Variants in SIK2 observed in about 807,000 individuals in gnomAD.
SIK2 encodes the protein serine/threonine-protein kinase SIK2.
A neutral mutation model predicts 103.2 loss-of-function variants in SIK2; 29 were observed. That is an observed-to-expected ratio of 0.28 (90% confidence interval 0.21 to 0.38). The LOEUF (loss-of-function observed/expected upper bound fraction) is 0.38, where lower values mean the gene tolerates loss of function less well. Among genes scored for constraint, SIK2 ranks in the 10% least tolerant of loss-of-function variants. The probability of loss-of-function intolerance (pLI) is 1.00; values close to 1 mark genes in which losing one functional copy is unlikely to be tolerated. For missense variants in SIK2, 879 were observed against 1,171.0 expected, an observed-to-expected ratio of 0.75 and a Z score of 3.64; for synonymous variants, 412 against 446.1, an observed-to-expected ratio of 0.92 and a Z score of 0.96.
At chr11:111,605,453 C>T (rs981109158) in intron 1 of SIK2, among the ~76,000 whole-genome samples, 7 of 152,094 alleles carry the variant, frequency 4.6e-5, no homozygotes, top group Non-Finnish European at 1.0e-4. Context: ...CATGGCAGAA[C>T]ATACTACAGT....
chr11:111,701,328 A>G lies in SIK2; in HGVS notation c.604-124A>G. On this transcript the variant is annotated intron_variant, in intron 5 of 14. Transcript: ENST00000304987. The surrounding 1 kb of genome is among the most constrained non-coding windows in gnomAD (Gnocchi z 4.2). Reference sequence around the variant, plus strand: ...TTTGGATTTTTTTCAAATTCTGAGAAAATAATAAATCCAGACAGGAATTTT... The same window carrying G: ...TTTGGATTTTTTTCAAATTCTGAGAGAATAATAAATCCAGACAGGAATTTT... 1 of 1,311,862 alleles carries G rather than the reference A, an allele frequency of 7.6e-7. No homozygotes were observed. The highest frequency in any genetic ancestry group is 1.0e-6 in the Non-Finnish European group (1 of 975,196). 81.3% of individuals were successfully genotyped at this position (1,311,862 alleles called of 1,614,324 possible).
chr11:111,619,787 C>A (rs986778169), intron 2 of SIK2, among the ~76,000 whole-genome samples: 3 of 152,162 alleles, frequency 2.0e-5, no homozygotes, highest in African/African-American at 4.8e-5. Context: ...AACTTTTAAA[C>A]AATTAGAGTA....
rs186785353 is a variant in SIK2, at chr11:111,658,465, G to A, written c.317-29536G>A. Among the ~76,000 whole-genome samples, 55 of 152,174 alleles carry A rather than the reference G, an allele frequency of 3.6e-4. 1 individual carries two copies. The highest frequency in any genetic ancestry group is 9.9e-4 in the African/African-American group (41 of 41,524). ...TGTATTAGAATCGAGAGATACGGCC[G>A]AGTGCAGTGGTTCACACCTATAATC... On this transcript the variant is annotated intron_variant, in intron 3 of 14. Transcript: ENST00000304987.
chr11:111,680,924 C>T (rs757306061), intron 3 of SIK2, among the ~76,000 whole-genome samples: 4 of 152,152 alleles, frequency 2.6e-5, no homozygotes, highest in Non-Finnish European at 4.4e-5. Context: ...GTTGGGGCAT[C>T]AGCCTTCAGG....
intron 3 of SIK2, among the ~76,000 whole-genome samples, chr11:111,667,488 C>CTTTTT (rs565449284): frequency 9.5e-6 from 1 of 105,366 alleles, no homozygotes; most frequent in African/African-American, 3.2e-5. Flanking sequence ...TGTTGGTTAT[C>CTTTTT]TTTTTTTTTT....
Position 111,729,093 on chromosome 11 carries a change from G to C in SIK2, c.*4964G>C, listed in dbSNP as rs1026432162. ...GGCCCTTGGTGGCAGGTGAACGAAA[G>C]CAGTGGAGCCTCTCACCTTCCAGTA... On this transcript the variant is annotated 3_prime_UTR_variant, in exon 15 of 15. Coordinates refer to ENST00000304987, the MANE Select transcript of SIK2 (RefSeq NM_015191.3). The C allele has an allele frequency of 1.3e-5, 2 of 152,240 alleles. No individual in the cohort carries two copies. Among genetic ancestry groups the C allele is most frequent in the African/African-American group, 4.8e-5 (2 of 41,452 alleles). The allele number at this position is 152,240 out of a possible 1,614,324, so 9.4% of individuals were successfully genotyped here. A position where few individuals can be genotyped will look rare whatever the true frequency, so the allele number is the denominator to read the frequency against.
intron 8 of SIK2, among the ~76,000 whole-genome samples, chr11:111,710,775 A>C (rs1389290307): frequency 6.6e-6 from 1 of 152,240 alleles, no homozygotes; most frequent in Non-Finnish European, 1.5e-5. Flanking sequence ...GATTAAGGTC[A>C]CACAATTTGT....
chr11:111,653,048 C>T (rs905882517), intron 3 of SIK2, among the ~76,000 whole-genome samples: 4 of 152,236 alleles, frequency 2.6e-5, no homozygotes, highest in Admixed American at 2.6e-4. Context: ...GGATCCAGGG[C>T]TCTGAATTTT....
In SIK2 at chr11:111,720,526, C is replaced by CTT; in HGVS notation, c.1545_1546insTT (p.Glu516LeufsTer12). 2 of 1,613,394 alleles carry CTT rather than the reference C, an allele frequency of 1.2e-6. No individual in the cohort carries two copies. Among genetic ancestry groups the CTT allele is most frequent in the Non-Finnish European group, 1.7e-6 (2 of 1,179,796 alleles). On this transcript the variant is annotated frameshift_variant, in exon 11 of 15. Transcript: ENST00000304987. LOFTEE classifies it high-confidence loss of function. ...AGCCCCTCCCTTGACAGTGTGGACT[C>CTT]TGAGTATGATATGGGGTCTGTTCAG...
chr11:111,726,979 G>C lies in SIK2; in HGVS notation c.*2850G>C, dbSNP rs776839091. The C allele has an allele frequency of 6.2e-7, 1 of 1,613,742 alleles. No homozygotes were observed. The highest frequency in any genetic ancestry group is 8.5e-7 in the Non-Finnish European group (1 of 1,179,648). ...AATCTGGGGTATTAGTCTGTGCTTT[G>C]GGAGAAATGCACTAGCTCTGCAATT... On this transcript the variant is annotated 3_prime_UTR_variant, in exon 15 of 15. Coordinates refer to ENST00000304987, the MANE Select transcript of SIK2 (RefSeq NM_015191.3).
chr11:111,625,829 G>A (rs890217376), intron 3 of SIK2, among the ~76,000 whole-genome samples: 6 of 152,194 alleles, frequency 3.9e-5, no homozygotes, highest in African/African-American at 1.2e-4. Flanking sequence ...AGTAGGTAGA[G>A]GCAATGAGTC....
chr11:111,646,144 CTA>C lies in SIK2; in HGVS notation c.316+25744_316+25745del, dbSNP rs373973039. On this transcript the variant is annotated intron_variant, in intron 3 of 14. Coordinates refer to ENST00000304987, the MANE Select transcript of SIK2 (RefSeq NM_015191.3). The stretch of plus-strand genomic sequence containing the variant: ...TGAGGTATGATTGACATACAATAAA[CTA>C]TGCATTTAAAGTACTCAGCTTGGCC... 7.9e-5 allele frequency among the ~76,000 whole-genome samples: 12 copies of C among 151,956 alleles called. No homozygotes were observed. The East Asian group carries it at 1.6e-3, about 20-fold the overall frequency.
At chr11:111,629,366 C>G (rs529143980) in intron 3 of SIK2, among the ~76,000 whole-genome samples, 71 of 152,274 alleles carry the variant, frequency 4.7e-4, no homozygotes, top group African/African-American at 1.6e-3. Flanking sequence ...AGAGCCTGTA[C>G]TGTTAGTAAT....
intron 3 of SIK2, among the ~76,000 whole-genome samples, chr11:111,627,912 A>G (rs991843810): frequency 6.6e-6 from 1 of 152,242 alleles, no homozygotes; most frequent in African/African-American, 2.4e-5. Flanking sequence ...TCAACACTTC[A>G]TGTCTTAATT....
intron 3 of SIK2, among the ~76,000 whole-genome samples, chr11:111,660,334 T>C (rs1294066391): frequency 5.9e-5 from 9 of 152,102 alleles, no homozygotes; most frequent in African/African-American, 1.9e-4. Flanking sequence ...TAGGTCCATA[T>C]GCACCGTGTA....
chr11:111,703,130 C>A, intron 6 of SIK2, 73 bp from the exon 7 acceptor site: 1 of 1,379,126 alleles, frequency 7.3e-7, no homozygotes, highest in Non-Finnish European at 1.0e-6. Flanking sequence ...TGTACAAAGT[C>A]ACATGAGTCA....
chr11:111,713,909 G>A (rs1943569957), intron 9 of SIK2, among the ~76,000 whole-genome samples: 1 of 152,214 alleles, frequency 6.6e-6, no homozygotes, highest in African/African-American at 2.4e-5. Context: ...GGAGGTTGCA[G>A]TGAGCCGAGA....
At chr11:111,696,103 A>G (rs545074014) in intron 4 of SIK2, among the ~76,000 whole-genome samples, 1 of 152,326 alleles carries the variant, frequency 6.6e-6, no homozygotes, top group South Asian at 2.1e-4. Flanking sequence ...TCGATAACTG[A>G]TCTGTAATTA....
intron 3 of SIK2, among the ~76,000 whole-genome samples, chr11:111,646,442 T>G (rs927525182): frequency 2.0e-5 from 3 of 152,144 alleles, no homozygotes; most frequent in Non-Finnish European, 2.9e-5. Flanking sequence ...AGAGTGAAAC[T>G]CCTTTCTAAA....
Sources: gnomAD v4.1 joint callset for allele counts (sites outside exome capture counted in the v4.1 genomes callset) on GRCh38, gnomAD v4.1.1 for gene constraint, Gnocchi (gnomAD v3.1) non-coding constraint, MANE v1.5 for transcripts, NCBI Gene and HGNC (gene_info 2026-07-23, HGNC 2026-07-21) for gene names.